The following GCNT1 variants were observed in gnomAD, a reference collection of about 807,000 sequenced individuals.
GCNT1 encodes the protein beta-1,3-galactosyl-O-glycosyl-glycoprotein beta-1,6-N-acetylglucosaminyltransferase.
GCNT1 carries 16 observed loss-of-function variants against 26.2 expected under a neutral mutation model. That is an observed-to-expected ratio of 0.61 (90% CI 0.41 to 0.93). GCNT1 has a LOEUF of 0.93. Among genes scored for constraint, GCNT1 ranks in the 40% least tolerant of loss-of-function variants. The pLI, the probability that GCNT1 is intolerant of heterozygous loss-of-function variation, is 0.00. For missense variants in GCNT1, 477 were observed against 526.7 expected (o/e 0.91, Z 0.92); for synonymous variants, 183 against 190.8 (o/e 0.96, Z 0.34).
chr9:76,447,754 A>G (rs1823600998), intron 1 of GCNT1, among the ~76,000 whole-genome samples: 1 of 152,188 alleles, frequency 6.6e-6, no homozygotes, highest in Non-Finnish European at 1.5e-5. Context: ...ATTCTTGTTC[A>G]TTTAGCATAG....
intron 1 of GCNT1, among the ~76,000 whole-genome samples, chr9:76,433,426 G>C (rs1258598789): frequency 6.6e-6 from 1 of 152,226 alleles, no homozygotes; most frequent in Non-Finnish European, 1.5e-5. Flanking sequence ...TGCAGGTTTT[G>C]CTGTTTGTGT....
rs374931626 is a variant in GCNT1 at position 76,479,192 on chromosome 9, C to A, written c.-290+19015C>A. On this transcript the variant is annotated intron_variant, in intron 2 of 3. Transcript: ENST00000376730. Reference sequence around the variant, plus strand: ...TCCCTACAAAGGACATGAACTCATCCTTTTTTATGGCTGCATAGTAGTCTA... The same window carrying A: ...TCCCTACAAAGGACATGAACTCATCATTTTTTATGGCTGCATAGTAGTCTA... 1.1e-4 allele frequency among the ~76,000 whole-genome samples: 17 copies of A among 152,150 alleles called. No homozygotes were observed. In the East Asian group the frequency reaches 1.7e-3, roughly 15 times the overall value.
chr9:76,482,107 G>C lies in GCNT1; in HGVS notation c.-289-18809G>C, dbSNP rs116760759. 9.0e-3 allele frequency among the ~76,000 whole-genome samples: 1,369 copies of C among 152,182 alleles called. 20 individuals are homozygous for C. The highest frequency in any genetic ancestry group is 0.032 in the African/African-American group (1,324 of 41,524). On this transcript the variant is annotated intron_variant, in intron 2 of 3. Transcript: ENST00000376730. Reference sequence around the variant, plus strand: ...TTCTAGGCTGTTTGCTATAAAAATAGCCTTGAAAAAATTATCTGGAACAAA... The same window carrying C: ...TTCTAGGCTGTTTGCTATAAAAATACCCTTGAAAAAATTATCTGGAACAAA...
chr9:76,459,610 C>A (rs1468061923), intron 1 of GCNT1, among the ~76,000 whole-genome samples: 1 of 152,318 alleles, frequency 6.6e-6, no homozygotes. Flanking sequence ...GAGGGGTTGG[C>A]TGCGGGCGTG....
chr9:76,405,965 C>A, the GCNT1 span, among the ~76,000 whole-genome samples: 1 of 152,130 alleles, frequency 6.6e-6, no homozygotes, highest in Non-Finnish European at 1.5e-5. Context: ...AGGAAACTGC[C>A]AAACTGTGTA....
At chr9:76,467,781 T>A (rs925247160) in intron 2 of GCNT1, among the ~76,000 whole-genome samples, 7 of 151,464 alleles carry the variant, frequency 4.6e-5, no homozygotes, top group African/African-American at 1.7e-4. Context: ...TATATTGGTA[T>A]CCAAAGCAGG....
chr9:76,462,876 G>A lies in GCNT1; in HGVS notation c.-290+2699G>A, dbSNP rs562669592. ...TTCTATCTCCAAAGAAATTTCAAGC[G>A]TTCAGTGTATTTGTTAAATTTCATA... On this transcript the variant is annotated intron_variant, in intron 2 of 3. Transcript: ENST00000376730. Among the ~76,000 whole-genome samples the A allele has an allele frequency of 1.1e-4, 16 of 151,980 alleles. No individual in the cohort carries two copies. The South Asian group carries it at 1.9e-3, about 18-fold the overall frequency.
chr9:76,408,572 A>G, the GCNT1 span, among the ~76,000 whole-genome samples: 1 of 152,142 alleles, frequency 6.6e-6, no homozygotes, highest in African/African-American at 2.4e-5. Flanking sequence ...TTTTACATCT[A>G]TATTCATGAG....
chr9:76,419,828 C>G (rs1357261546), upstream of GCNT1: 1 of 152,260 alleles, frequency 6.6e-6, no homozygotes, highest in Non-Finnish European at 1.5e-5. Context: ...AGCCACCACA[C>G]AGTTGCTACT....
intron 2 of GCNT1, among the ~76,000 whole-genome samples, chr9:76,461,868 G>C (rs1246104089): frequency 2.6e-5 from 4 of 152,198 alleles, no homozygotes; most frequent in Admixed American, 2.6e-4. Context: ...AAGCCTGGAC[G>C]ACAGAGTGAA....
At chr9:76,443,173 C>G (rs1338836790) in intron 1 of GCNT1, among the ~76,000 whole-genome samples, 2 of 152,126 alleles carry the variant, frequency 1.3e-5, no homozygotes, top group South Asian at 4.1e-4. Context: ...ACCAGCCTGG[C>G]CAACATGGTG....
At chr9:76,458,245 C>T (rs576627285), upstream of GCNT1, among the ~76,000 whole-genome samples, 12 of 134,076 alleles carry the variant, frequency 9.0e-5, no homozygotes, top group South Asian at 4.9e-4. Context: ...TGCAGTGACA[C>T]GATCTCGGCT....
chr9:76,414,637 G>A, the GCNT1 span, among the ~76,000 whole-genome samples: 21 of 152,278 alleles, frequency 1.4e-4, no homozygotes, highest in Non-Finnish European at 1.9e-4. Context: ...AGGGTCCCTC[G>A]CCTTTTTAGA....
At chr9:76,458,701 TA>T (rs1823806056), upstream of GCNT1, among the ~76,000 whole-genome samples, 1 of 152,162 alleles carries the variant, frequency 6.6e-6, no homozygotes, top group African/African-American at 2.4e-5. Context: ...AATTTGATCT[TA>T]ATTTTTATGT....
intron 1 of GCNT1, among the ~76,000 whole-genome samples, chr9:76,425,972 C>T (rs565654239): frequency 6.6e-6 from 1 of 152,256 alleles, no homozygotes; most frequent in South Asian, 2.1e-4. Flanking sequence ...GGTTTTACAA[C>T]AGTGATATTG....
the GCNT1 span, among the ~76,000 whole-genome samples, chr9:76,409,499 G>A: frequency 6.6e-6 from 1 of 152,150 alleles, no homozygotes; most frequent in African/African-American, 2.4e-5. Context: ...AGCCCAGAGT[G>A]TGGTGGTGCA....
intron 2 of GCNT1, among the ~76,000 whole-genome samples, chr9:76,464,502 C>T (rs1483640313): frequency 6.6e-6 from 1 of 152,182 alleles, no homozygotes; most frequent in African/African-American, 2.4e-5. Context: ...CAGGTGTAAG[C>T]CACCATCCCT....
chr9:76,451,980 T>G (rs1823674785), intron 1 of GCNT1, among the ~76,000 whole-genome samples: 2 of 146,640 alleles, frequency 1.4e-5, no homozygotes, highest in South Asian at 2.1e-4. Flanking sequence ...GTTGTTGTTG[T>G]TGTTTTGAGA....
intron 2 of GCNT1, among the ~76,000 whole-genome samples, chr9:76,467,952 G>C (rs1309686989): frequency 7.6e-6 from 1 of 131,024 alleles, no homozygotes; most frequent in Non-Finnish European, 1.5e-5. Context: ...TGTCGCCCAG[G>C]CTGGAGTACA....
Sources: gnomAD v4.1 joint callset for allele counts (sites outside exome capture counted in the v4.1 genomes callset) on GRCh38, gnomAD v4.1.1 for gene constraint, MANE v1.5 for transcripts, NCBI Gene and HGNC (gene_info 2026-07-23, HGNC 2026-07-21) for gene names.